AFF2: variants seen among roughly 807,000 people sequenced by gnomAD.
AFF2 encodes the protein ALF transcription elongation factor 2.
In AFF2, 14 loss-of-function variants were observed where a neutral mutation model predicts 76.9. The ratio of observed to expected loss-of-function variants is 0.18; its 90% CI spans 0.12 to 0.28. AFF2 has a LOEUF of 0.28. Ranked by LOEUF, AFF2 falls within the 10% of genes least tolerant of loss-of-function variation. AFF2 has a pLI of 1.00. For missense variants in AFF2, 868 were observed against 1,001.1 expected, an observed-to-expected ratio of 0.87 and a Z score of 1.79; for synonymous variants, 398 against 366.7, an observed-to-expected ratio of 1.09 and a Z score of -0.98.
intron 7 of AFF2, among the ~76,000 whole-genome samples, chrX:148,864,593 G>A (rs1234597516): frequency 1.8e-5 from 2 of 112,038 alleles, no homozygotes; most frequent in Non-Finnish European, 3.8e-5. Flanking sequence ...TTACTTCCTA[G>A]CTCAGGCTAG....
intron 9 of AFF2, among the ~76,000 whole-genome samples, chrX:148,932,923 G>A (rs1474827309): frequency 8.9e-6 from 1 of 112,504 alleles, no homozygotes; most frequent in Non-Finnish European, 1.9e-5. Flanking sequence ...CTCTGCGCTA[G>A]TGGAGTTTAT....
At chrX:148,941,772 T>A (rs782751831) in intron 9 of AFF2, among the ~76,000 whole-genome samples, 6 of 111,914 alleles carry the variant, frequency 5.4e-5, no homozygotes, top group Non-Finnish European at 1.1e-4. Context: ...CCTATTTGCC[T>A]GATTATTTTC....
chrX:148,944,077 G>A (rs781893514), intron 9 of AFF2, among the ~76,000 whole-genome samples: 6 of 112,177 alleles, frequency 5.3e-5, no homozygotes, highest in Admixed American at 1.9e-4. Context: ...GGAAAAAGGC[G>A]GAGGCTTATG....
intron 3 of AFF2, among the ~76,000 whole-genome samples, chrX:148,668,011 A>G (rs2054377458): frequency 8.8e-6 from 1 of 113,047 alleles, no homozygotes; most frequent in African/African-American, 3.2e-5. Flanking sequence ...AAAGCAAGTT[A>G]GTTACTTTCT....
At chrX:148,519,460 C>T (rs967221979) in intron 1 of AFF2, among the ~76,000 whole-genome samples, 3 of 112,089 alleles carry the variant, frequency 2.7e-5, no homozygotes, top group Non-Finnish European at 5.6e-5. Context: ...AGACATCTCC[C>T]ACTCACGTAG....
intron 9 of AFF2, among the ~76,000 whole-genome samples, chrX:148,949,117 C>T (rs73614032): frequency 1.8e-5 from 2 of 110,574 alleles, no homozygotes. Context: ...GCCTCTCCCC[C>T]CATCCCCAAC....
At chrX:148,712,452 A>G (rs1465128790) in intron 3 of AFF2, among the ~76,000 whole-genome samples, 1 of 112,108 alleles carries the variant, frequency 8.9e-6, no homozygotes, top group African/African-American at 3.2e-5. Context: ...TCCTAGGGAA[A>G]AGAACAACAC....
At chrX:148,528,458 A>G (rs990188821) in intron 1 of AFF2, among the ~76,000 whole-genome samples, 20 of 111,654 alleles carry the variant, frequency 1.8e-4, no homozygotes, top group African/African-American at 6.5e-4. Flanking sequence ...AAGTGCACAT[A>G]TATGTTATAG....
rs966614303 is a variant in AFF2 at position 148,598,704 on chromosome X, A to G, written c.48-53295A>G. Among the ~76,000 whole-genome samples the G allele has an allele frequency of 2.0e-4, 23 of 112,553 alleles. 2 individuals are homozygous for G. Among genetic ancestry groups the G allele is most frequent in the Admixed American group, 2.0e-3 (21 of 10,673 alleles). ...CAGCAACTTCCAAACAATACAGAGT[A>G]GAGATAGAATCTAATGGTTGACAAA... is the stretch of plus-strand genomic sequence containing the variant. On this transcript the variant is annotated intron_variant, in intron 1 of 20. Coordinates refer to ENST00000370460, the MANE Select transcript of AFF2 (RefSeq NM_002025.4).
chrX:148,619,192 G>A (rs1296869543), intron 1 of AFF2, among the ~76,000 whole-genome samples: 1 of 111,256 alleles, frequency 9.0e-6, no homozygotes, highest in Non-Finnish European at 1.9e-5. Flanking sequence ...CATAAAGACC[G>A]TGTCATTTGT....
chrX:148,909,620 TAC>T (rs2071447723), intron 9 of AFF2, among the ~76,000 whole-genome samples: 1 of 112,242 alleles, frequency 8.9e-6, no homozygotes, highest in South Asian at 3.7e-4. Flanking sequence ...TGTACCTGGA[TAC>T]ACTAATGCCA....
rs1284178296 is a variant in AFF2, at chrX:148,955,741, A to C, written c.1696A>C (p.Met566Leu). 8.3e-7 allele frequency: 1 copy of C among 1,209,779 alleles called. No homozygotes were observed. Among genetic ancestry groups the C allele is most frequent in the Non-Finnish European group, 1.1e-6 (1 of 895,220 alleles). Residue 566 changes from methionine to leucine, a missense_variant, in exon 11 of 21, where the codon ATG (methionine) becomes CTG (leucine). This residue lies in a region of AFF2 where 532 missense variants were observed against 564.2 expected (regional missense o/e 0.94). Coordinates refer to ENST00000370460, the MANE Select transcript of AFF2 (RefSeq NM_002025.4). ...TCTGCCTCCTCCAATCATCCAACCA[A>C]TGGAAGTCCAGATGAAAGTGAAGAC... ...ISLPPPIIQP[M>L]EVQMKVKTNA...
chrX:148,854,444 C>G (rs2070764537), intron 7 of AFF2, among the ~76,000 whole-genome samples: 1 of 110,935 alleles, frequency 9.0e-6, no homozygotes, highest in African/African-American at 3.3e-5. Context: ...TGGCAAGAAG[C>G]CAAGATACAC....
chrX:148,921,523 C>A (rs1301749494), intron 9 of AFF2, among the ~76,000 whole-genome samples: 1 of 112,244 alleles, frequency 8.9e-6, no homozygotes, highest in Non-Finnish European at 1.9e-5. Flanking sequence ...CCTTTTGTGT[C>A]TGTTTCTTTC....
chrX:148,719,308 AATGAGTCCTG>A (rs1557263612), intron 3 of AFF2: 1 of 737,934 alleles, frequency 1.4e-6, no homozygotes, highest in Non-Finnish European at 2.0e-6. Flanking sequence ...TCTCTTTACA[AATGAGTCCTG>A]ATCACAGTGA....
At chrX:148,900,815 T>A (rs782466259) in intron 8 of AFF2, among the ~76,000 whole-genome samples, 1 of 112,102 alleles carries the variant, frequency 8.9e-6, no homozygotes, top group African/African-American at 3.2e-5. Flanking sequence ...AATAGCACTT[T>A]CCAGACAGAA....
At chrX:148,959,712 A>T (rs1193542511) in intron 12 of AFF2, among the ~76,000 whole-genome samples, 1 of 112,505 alleles carries the variant, frequency 8.9e-6, no homozygotes, top group Non-Finnish European at 1.9e-5. Flanking sequence ...TGAAGTTCTC[A>T]GAACTAGAGA....
chrX:148,755,945 T>G (rs2055556773), intron 3 of AFF2, among the ~76,000 whole-genome samples: 1 of 112,022 alleles, frequency 8.9e-6, no homozygotes, highest in African/African-American at 3.2e-5. Flanking sequence ...TAATTAGAGA[T>G]TGTTTACAAG....
At chrX:148,956,666 G>T (rs890332674) in intron 11 of AFF2, 53 bp downstream of exon 11, 1 of 1,101,957 alleles carries the variant, frequency 9.1e-7, no homozygotes, top group African/African-American at 1.8e-5. Flanking sequence ...TCTGTTTGTT[G>T]TCTAACTTGA....
Sources: gnomAD v4.1 joint callset for allele counts (sites outside exome capture counted in the v4.1 genomes callset) on GRCh38, gnomAD v4.1.1 for gene constraint, gnomAD v4.1.1 regional missense constraint, MANE v1.5 for transcripts, NCBI Gene and HGNC (gene_info 2026-07-23, HGNC 2026-07-21) for gene names.